GRIP2: variants seen among roughly 807,000 people sequenced by gnomAD.
GRIP2 encodes the protein glutamate receptor-interacting protein 2.
A neutral mutation model predicts 108.3 loss-of-function variants in GRIP2; 58 were observed. The ratio of observed to expected loss-of-function variants is 0.54; its 90% CI spans 0.43 to 0.67. The LOEUF (loss-of-function observed/expected upper bound fraction) is 0.67, where lower values mean the gene tolerates loss of function less well. GRIP2 is among the 30% of genes least tolerant of loss of function. GRIP2 has a pLI of 0.00. For synonymous variants in GRIP2, 586 were observed against 598.2 expected, an observed-to-expected ratio of 0.98 and a Z score of 0.30; for missense variants, 1,278 against 1,430.6, an observed-to-expected ratio of 0.89 and a Z score of 1.72.
At chr3:14,587,013 G>A in the GRIP2 span, among the ~76,000 whole-genome samples, 91 of 152,262 alleles carry the variant, frequency 6.0e-4, no homozygotes, top group African/African-American at 2.2e-3. Flanking sequence ...CCTGGGGAGG[G>A]GGCAGGTGGA....
chr3:14,574,143 T>C, the GRIP2 span: 3 of 938,540 alleles, frequency 3.2e-6, no homozygotes, highest in South Asian at 1.3e-5. Flanking sequence ...CACGATGCCA[T>C]AGATGCACAC....
At chr3:14,540,529 G>T, upstream of GRIP2, 3 of 1,050,962 alleles carry the variant, frequency 2.9e-6, no homozygotes, top group Non-Finnish European at 4.1e-6. The surrounding 1 kb of genome is among the most constrained non-coding windows in gnomAD (Gnocchi z 4.1). Flanking sequence ...CACCCCTGCA[G>T]CCTGGGTCTG....
At chr3:14,551,753 C>T (rs938108777) in intron 1 of GRIP2, among the ~76,000 whole-genome samples, 6 of 152,280 alleles carry the variant, frequency 3.9e-5, no homozygotes, top group African/African-American at 1.2e-4. Context: ...GGAACGCCCC[C>T]GGGGTGAAAT....
rs770515703 is a variant in GRIP2, at chr3:14,511,232, G to A, written c.1866C>T (p.Ala622=). 8 of 1,613,950 alleles carry A rather than the reference G, an allele frequency of 5.0e-6. No homozygotes were observed. The highest frequency in any genetic ancestry group is 1.6e-4 in the Middle Eastern group (1 of 6,062). Residue 622 remains alanine, a synonymous_variant, in exon 16 of 24, where the codon GCC becomes GCT. Transcript: ENST00000621039. This position sits in a 1 kb window ranked among gnomAD's most constrained non-coding sequence, Gnocchi z 4.1. ...CCTCGCACTGCCGCAGGATTTGCAC[G>A]GCGTCCTCCATGGGGCAGTTGTCCA... ...IRLDNCPMED[A]VQILRQCEDL...
Position 14,511,622 on chromosome 3 carries a change from A to T in GRIP2, c.1721-143T>A. 5.3e-6 allele frequency: 4 copies of T among 748,844 alleles called. No homozygotes were observed. Among genetic ancestry groups the T allele is most frequent in the Non-Finnish European group, 9.0e-6 (4 of 445,756 alleles). 46.4% of individuals were successfully genotyped at this position (748,844 alleles called of 1,614,324 possible). On this transcript the variant is annotated intron_variant, in intron 14 of 23. Coordinates refer to ENST00000621039, the MANE Select transcript of GRIP2 (RefSeq NM_001080423.4). The surrounding 1 kb of genome is among the most constrained non-coding windows in gnomAD (Gnocchi z 4.1). ...ACTGCTTCCTGGCTGGGTGACCGTG[A>T]GCAAATCAGCTCACCTCCCTGTGCA...
chr3:14,563,324 T>G, the GRIP2 span, among the ~76,000 whole-genome samples: 1 of 152,114 alleles, frequency 6.6e-6, no homozygotes, highest in Non-Finnish European at 1.5e-5. Flanking sequence ...CAAGGGTATT[T>G]CTGTGTTATA....
intron 9 of GRIP2, among the ~76,000 whole-genome samples, chr3:14,519,456 C>T (rs996437878): frequency 6.6e-6 from 1 of 152,230 alleles, no homozygotes; most frequent in African/African-American, 2.4e-5. Flanking sequence ...GATGAGATGA[C>T]TGGGACTCAG....
At chr3:14,525,127 G>C (rs1489607800) in intron 3 of GRIP2, among the ~76,000 whole-genome samples, 1 of 152,208 alleles carries the variant, frequency 6.6e-6, no homozygotes, top group Admixed American at 6.5e-5. Context: ...AGTGTGCCAG[G>C]AGGATGCTGT....
At chr3:14,553,801 T>C (rs984795826) in intron 1 of GRIP2, among the ~76,000 whole-genome samples, 1 of 148,602 alleles carries the variant, frequency 6.7e-6, no homozygotes, top group Non-Finnish European at 1.5e-5. Context: ...TGGATTCTTC[T>C]CCTTGAGGTT....
In GRIP2 at chr3:14,522,933, C is replaced by A; in HGVS notation, c.566+67G>T. 7.4e-7 allele frequency: 1 copy of A among 1,357,214 alleles called. No individual in the cohort carries two copies. Among genetic ancestry groups the A allele is most frequent in the Non-Finnish European group, 1.1e-6 (1 of 946,234 alleles). The allele number at this position is 1,357,214 out of a possible 1,614,324, so 84.1% of individuals were successfully genotyped here. A position where few individuals can be genotyped will look rare whatever the true frequency, so the allele number is the denominator to read the frequency against. ...GGGGAAGGGGCATGGTGACCCCACTCCACCTTCTTCGCAGGGGAGTTGGGG... is the reference window on the plus strand; with the variant it reads ...GGGGAAGGGGCATGGTGACCCCACTACACCTTCTTCGCAGGGGAGTTGGGG... On this transcript the variant is annotated intron_variant, in intron 6 of 23. Transcript: ENST00000621039. The surrounding 1 kb of genome is among the most constrained non-coding windows in gnomAD (Gnocchi z 4.3).
rs535807573 is a variant in GRIP2 at position 14,517,106 on chromosome 3, T to C, written c.1264A>G (p.Met422Val). The C allele has an allele frequency of 2.1e-5, 34 of 1,607,956 alleles. No individual in the cohort carries two copies. The highest frequency in any genetic ancestry group is 1.1e-4 in the African/African-American group (8 of 74,596). Reference protein sequence around the residue: ...GSQPMSPRTTMGRRRQRRREH... With the variant: ...GSQPMSPRTTVGRRRQRRREH... ...CTTCTTCGCTGCCTCCTCCGCCCCA[T>C]TGTAGTTCGAGGACTCATGGGCTGG... The change falls in exon 11 of 24, where the codon ATG (methionine) becomes GTG (valine). Residue 422 changes from methionine (M) to valine (V), a missense_variant. Transcript: ENST00000621039.
Position 14,505,623 on chromosome 3 carries a change from C to G in GRIP2, c.2565G>C (p.Pro855=). Residue 855 remains proline (P), a synonymous_variant, in exon 20 of 24, where the codon CCG becomes CCC. Coordinates refer to ENST00000621039, the MANE Select transcript of GRIP2 (RefSeq NM_001080423.4). The surrounding 1 kb of genome is among the most constrained non-coding windows in gnomAD (Gnocchi z 4.2). ...PEEEEEDDWE[P]PTSPAPGPAR... ...GTGCTCCCACCACAGACCTCGTTGGCGGCTCCCAATCATCCTCCTCCTCCT... is the reference window on the plus strand; with the variant it reads ...GTGCTCCCACCACAGACCTCGTTGGGGGCTCCCAATCATCCTCCTCCTCCT... The G allele has an allele frequency of 6.2e-7, 1 of 1,609,690 alleles. No homozygotes were observed. Among genetic ancestry groups the G allele is most frequent in the Non-Finnish European group, 8.5e-7 (1 of 1,178,048 alleles).
chr3:14,557,814 C>T (rs1695260258), upstream of GRIP2, among the ~76,000 whole-genome samples: 1 of 152,210 alleles, frequency 6.6e-6, no homozygotes, highest in Non-Finnish European at 1.5e-5. Context: ...GAACACATGC[C>T]TTTAGGGATG....
the GRIP2 span, among the ~76,000 whole-genome samples, chr3:14,578,254 C>A: frequency 6.6e-6 from 1 of 152,192 alleles, no homozygotes; most frequent in Admixed American, 6.5e-5. Flanking sequence ...AGCACAGGGA[C>A]CTGGGTCTGA....
At chr3:14,504,048 C>T (rs1691822694) in intron 20 of GRIP2, 1 of 257,414 alleles carries the variant, frequency 3.9e-6, no homozygotes, top group Non-Finnish European at 7.6e-6. Flanking sequence ...CCCAGACACA[C>T]GGCACCGTGG....
chr3:14,573,627 C>A, the GRIP2 span: 1 of 1,499,262 alleles, frequency 6.7e-7, no homozygotes, highest in South Asian at 1.1e-5. Context: ...GCAGCAGGGC[C>A]GTCCTGTGAT....
Position 14,494,857 on chromosome 3 carries a change from C to G in GRIP2, c.2956G>C (p.Asp986His). The G allele has an allele frequency of 6.2e-7, 1 of 1,613,114 alleles. No individual in the cohort carries two copies. Among genetic ancestry groups the G allele is most frequent in the Non-Finnish European group, 8.5e-7 (1 of 1,179,358 alleles). Residue 986 changes from aspartate to histidine, a missense_variant, in exon 23 of 24, where the codon GAC (aspartate) becomes CAC (histidine). Physicochemically the swap from Asp to His is moderately conservative, Grantham distance 81 (BLOSUM62 -1). Coordinates refer to ENST00000621039, the MANE Select transcript of GRIP2 (RefSeq NM_001080423.4). ...PAHRGGLQPF[D>H]RVLQVNHVRT... ...CCCAGCATTACCTGCAGGACCCTGT[C>G]GAAGGGCTGGAGGCCTCCACGGTGG...
upstream of GRIP2, among the ~76,000 whole-genome samples, chr3:14,557,707 G>C (rs920313102): frequency 6.6e-6 from 1 of 152,252 alleles, no homozygotes; most frequent in African/African-American, 2.4e-5. Context: ...CATCCCCACT[G>C]TAAGCCTCTC....
intron 5 of GRIP2, 156 bp downstream of exon 5, chr3:14,523,456 A>AT: frequency 1.6e-6 from 1 of 619,444 alleles, no homozygotes; most frequent in Non-Finnish European, 2.9e-6. Flanking sequence ...TGCTTGGCAG[A>AT]TTTTCCCACT....
Sources: gnomAD v4.1 joint callset for allele counts (sites outside exome capture counted in the v4.1 genomes callset) on GRCh38, gnomAD v4.1.1 for gene constraint, Gnocchi (gnomAD v3.1) non-coding constraint, MANE v1.5 for transcripts, NCBI Gene and HGNC (gene_info 2026-07-23, HGNC 2026-07-21) for gene names.